CDH18: variants seen among roughly 807,000 people sequenced by gnomAD.
CDH18 encodes the protein cadherin-18.
Under a neutral mutation model 67.9 loss-of-function variants are expected in CDH18, and 31 were observed. That is an observed-to-expected ratio of 0.46 (90% CI 0.34 to 0.62). The LOEUF (loss-of-function observed/expected upper bound fraction) is 0.62. Ranked by LOEUF, CDH18 falls within the 20% of genes least tolerant of loss-of-function variation. The probability of loss-of-function intolerance (pLI) is 0.01; values close to 1 mark genes in which losing one functional copy is unlikely to be tolerated. For missense variants in CDH18, 890 were observed against 975.5 expected, an observed-to-expected ratio of 0.91 and a Z score of 1.17; for synonymous variants, 362 against 347.2, an observed-to-expected ratio of 1.04 and a Z score of -0.48.
intron 8 of CDH18, among the ~76,000 whole-genome samples, chr5:19,567,001 G>C (rs62349517): frequency 0.085 from 12,927 of 152,060 alleles, 631 homozygotes; most frequent in African/African-American, 0.12. Context: ...TTCACATGTT[G>C]TTACTCATAT....
At chr5:19,931,818 A>G (rs1350936078) in intron 2 of CDH18, among the ~76,000 whole-genome samples, 2 of 151,234 alleles carry the variant, frequency 1.3e-5, no homozygotes, top group African/African-American at 2.4e-5. Context: ...TCCTATATCC[A>G]TCTCTCCCTG....
chr5:19,689,495 A>AT (rs1422083252), intron 5 of CDH18, among the ~76,000 whole-genome samples: 1 of 152,036 alleles, frequency 6.6e-6, no homozygotes, highest in East Asian at 1.9e-4. Flanking sequence ...GAAGGAATTT[A>AT]TAACTATTAG....
At chr5:19,737,800 T>C (rs964867266) in intron 4 of CDH18, among the ~76,000 whole-genome samples, 1 of 152,212 alleles carries the variant, frequency 6.6e-6, no homozygotes, top group African/African-American at 2.4e-5. Flanking sequence ...TTTTAATTTA[T>C]ATGCTTTGAT....
intron 5 of CDH18, among the ~76,000 whole-genome samples, chr5:19,633,892 A>C (rs193131821): frequency 2.6e-5 from 4 of 152,290 alleles, no homozygotes; most frequent in Admixed American, 2.6e-4. Flanking sequence ...TCAGTCTTCC[A>C]AAGTGCTAGG....
chr5:20,005,173 A>G (rs992168030), intron 2 of CDH18, among the ~76,000 whole-genome samples: 2 of 152,184 alleles, frequency 1.3e-5, no homozygotes, highest in African/African-American at 2.4e-5. Context: ...AGAAACAAAA[A>G]TAAATAAAGC....
At chr5:20,123,110 T>G (rs959067834) in intron 2 of CDH18, among the ~76,000 whole-genome samples, 18 of 150,898 alleles carry the variant, frequency 1.2e-4, no homozygotes, top group Non-Finnish European at 3.0e-5. Context: ...GTATTTTATA[T>G]AATTTTGGAT....
intron 8 of CDH18, among the ~76,000 whole-genome samples, chr5:19,569,914 A>G (rs1336687202): frequency 2.8e-5 from 4 of 144,398 alleles, no homozygotes; most frequent in Non-Finnish European, 6.4e-5. Flanking sequence ...TAAAAAATAA[A>G]TTAAACTAAT....
chr5:19,562,558 T>C (rs1383493069), intron 8 of CDH18, among the ~76,000 whole-genome samples: 2 of 152,098 alleles, frequency 1.3e-5, no homozygotes, highest in Non-Finnish European at 2.9e-5. Context: ...GCTGAGAAAA[T>C]ACTTTTAATA....
chr5:19,965,591 G>C (rs1797347724), intron 2 of CDH18, among the ~76,000 whole-genome samples: 1 of 152,182 alleles, frequency 6.6e-6, no homozygotes, highest in Non-Finnish European at 1.5e-5. Flanking sequence ...CAGTGTGCTA[G>C]AATTACAGGA....
intron 1 of CDH18, among the ~76,000 whole-genome samples, chr5:20,332,953 T>C (rs923764911): frequency 1.3e-5 from 2 of 152,122 alleles, no homozygotes; most frequent in African/African-American, 4.8e-5. Context: ...TGCATAGCTT[T>C]GCGATACAGG....
chr5:19,926,281 A>C (rs1372114985), intron 2 of CDH18, among the ~76,000 whole-genome samples: 1 of 152,196 alleles, frequency 6.6e-6, no homozygotes, highest in Non-Finnish European at 1.5e-5. Flanking sequence ...TGCTTGAAAT[A>C]CTTTTAAAAC....
At chr5:19,523,585 CATT>C (rs1561263266) in intron 9 of CDH18, among the ~76,000 whole-genome samples, 1 of 151,844 alleles carries the variant, frequency 6.6e-6, no homozygotes. Flanking sequence ...AAATCAGTCT[CATT>C]AGTATGAAAA....
intron 2 of CDH18, among the ~76,000 whole-genome samples, chr5:19,950,570 T>C (rs1482288048): frequency 1.3e-5 from 2 of 152,154 alleles, no homozygotes; most frequent in Non-Finnish European, 2.9e-5. Flanking sequence ...GATATTTCTA[T>C]CTCATGATAT....
At chr5:19,730,499 C>T (rs1170414929) in intron 4 of CDH18, among the ~76,000 whole-genome samples, 2 of 152,124 alleles carry the variant, frequency 1.3e-5, no homozygotes, top group East Asian at 1.9e-4. Context: ...TTTGCATATA[C>T]ATAATGAGAT....
intron 2 of CDH18, among the ~76,000 whole-genome samples, chr5:20,097,153 T>A (rs1173681410): frequency 6.6e-6 from 1 of 152,170 alleles, no homozygotes; most frequent in Non-Finnish European, 1.5e-5. Flanking sequence ...CATTTTATCT[T>A]TATTTTTATG....
intron 2 of CDH18, among the ~76,000 whole-genome samples, chr5:20,190,210 C>T (rs138726799): frequency 6.6e-6 from 1 of 152,076 alleles, no homozygotes; most frequent in Non-Finnish European, 1.5e-5. Context: ...AGAATAAACA[C>T]CAGCGTGTGG....
At chr5:19,480,355 A>T (rs950845837) in intron 12 of CDH18, among the ~76,000 whole-genome samples, 102 of 67,856 alleles carry the variant, frequency 1.5e-3, no homozygotes, top group African/African-American at 5.0e-3. Flanking sequence ...AGTTTATTTT[A>T]TTTATTTATT....
At chr5:20,103,810 A>G (rs899995182) in intron 2 of CDH18, among the ~76,000 whole-genome samples, 3 of 6,690 alleles carry the variant, frequency 4.5e-4, no homozygotes, top group Non-Finnish European at 2.8e-3. Flanking sequence ...TAGAAACCAA[A>G]AGAAAAAAAA....
chr5:20,060,084 G>A (rs1477759853), intron 2 of CDH18, among the ~76,000 whole-genome samples: 1 of 152,074 alleles, frequency 6.6e-6, no homozygotes, highest in Non-Finnish European at 1.5e-5. Context: ...TGTAACAAAC[G>A]TGCACATTCT....
Sources: allele counts gnomAD v4.1 joint callset (sites outside exome capture counted in the v4.1 genomes callset), GRCh38; gene constraint gnomAD v4.1.1; transcripts MANE v1.5; gene names NCBI Gene and HGNC (gene_info 2026-07-23, HGNC 2026-07-21).